Variants in VWF observed in about 807,000 individuals in gnomAD.
VWF encodes the protein von Willebrand factor.
VWF carries 176 observed loss-of-function variants against 308.6 expected under a neutral mutation model. That is an observed-to-expected ratio of 0.57 (90% CI 0.50 to 0.65). VWF has a LOEUF of 0.65. VWF is among the 30% of genes least tolerant of loss of function. VWF has a pLI of 0.00. For missense variants in VWF, 3,146 were observed against 3,648.2 expected (o/e 0.86, Z 3.55); for synonymous variants, 1,385 against 1,443.4 (o/e 0.96, Z 0.92).
intron 46 of VWF, 60 bp from the exon 47 acceptor site, chr12:5,967,662 A>C (rs1176170029): frequency 1.5e-5 from 21 of 1,428,822 alleles, no homozygotes; most frequent in Non-Finnish European, 1.9e-5. Flanking sequence ...CACTCACCTC[A>C]CTCTCATACC....
chr12:6,013,732 C>G, intron 31 of VWF, 87 bp from the exon 32 acceptor site: 2 of 1,488,154 alleles, frequency 1.3e-6, no homozygotes, highest in Non-Finnish European at 1.9e-6. Flanking sequence ...CATCTGAATA[C>G]AGCCTCATGT....
intron 22 of VWF, among the ~76,000 whole-genome samples, chr12:6,028,491 G>C (rs1944220030): frequency 6.6e-6 from 1 of 152,208 alleles, no homozygotes; most frequent in Non-Finnish European, 1.5e-5. Flanking sequence ...AGGAAAAAGT[G>C]TTAAGGGCAG....
At position 6,056,846 on chromosome 12, in the gene VWF, AG is replaced by A; in HGVS notation, c.1945+10del. The A allele has an allele frequency of 7.2e-7, 1 of 1,382,064 alleles. No individual in the cohort carries two copies. 85.6% of individuals were successfully genotyped at this position (1,382,064 alleles called of 1,614,324 possible). A position where few individuals can be genotyped will look rare whatever the true frequency, so the allele number is the denominator to read the frequency against. On this transcript the variant is annotated intron_variant, in intron 15 of 51. Coordinates refer to ENST00000261405, the MANE Select transcript of VWF (RefSeq NM_000552.5). The stretch of plus-strand genomic sequence containing the variant: ...GCGGCCCGGAGGGCTGCGGGCAGGG[AG>A]GGCACGCACCACAGCGGCCTGGCTC...
intron 47 of VWF, among the ~76,000 whole-genome samples, chr12:5,959,450 A>G (rs891756482): frequency 7.2e-5 from 11 of 152,212 alleles, no homozygotes; most frequent in African/African-American, 2.7e-4. Flanking sequence ...GAGGATTTGG[A>G]AAACTGTAAG....
intron 5 of VWF, 189 bp from the exon 6 acceptor site, chr12:6,095,773 G>T: frequency 1.4e-6 from 1 of 739,106 alleles, no homozygotes; most frequent in Non-Finnish European, 2.2e-6. Context: ...CTACTGAGCA[G>T]CACAGGAGTT....
Position 6,024,920 on chromosome 12 carries a change from G to C in VWF, c.3222+660C>G, listed in dbSNP as rs1276691796. ...TGCCTGTAATCCCAGGTACTCGGGA[G>C]GTTGAGGCAGGAGAATCGCTTGAGC... On this transcript the variant is annotated intron_variant, in intron 24 of 51. Transcript: ENST00000261405. The surrounding 1 kb of genome is among the most constrained non-coding windows in gnomAD (Gnocchi z 4.0). 6.6e-6 allele frequency among the ~76,000 whole-genome samples: 1 copy of C among 151,996 alleles called. No individual in the cohort carries two copies. The highest frequency in any genetic ancestry group is 6.6e-5 in the Admixed American group (1 of 15,258).
At chr12:5,962,159 G>A (rs1044695825) in intron 47 of VWF, among the ~76,000 whole-genome samples, 1 of 152,088 alleles carries the variant, frequency 6.6e-6, no homozygotes, top group African/African-American at 2.4e-5. Context: ...CCAGTCTCAG[G>A]TATTGTGTTA....
At chr12:6,080,245 C>G (rs1389844267) in intron 6 of VWF, among the ~76,000 whole-genome samples, 1 of 152,244 alleles carries the variant, frequency 6.6e-6, no homozygotes, top group Non-Finnish European at 1.5e-5. Flanking sequence ...CCAGGGCACT[C>G]ATGGCAGGGA....
At chr12:6,090,176 C>G (rs1293721468) in intron 6 of VWF, among the ~76,000 whole-genome samples, 1 of 152,140 alleles carries the variant, frequency 6.6e-6, no homozygotes, top group Non-Finnish European at 1.5e-5. Context: ...CCAGGATGGT[C>G]TCAATCTCCT....
intron 18 of VWF, among the ~76,000 whole-genome samples, chr12:6,037,640 C>T (rs956441175): frequency 1.3e-5 from 2 of 152,224 alleles, no homozygotes; most frequent in Admixed American, 1.3e-4. Flanking sequence ...GGTGCCTGTC[C>T]TGGTGTGGCC....
At chr12:6,097,164 A>G (rs886753050) in intron 5 of VWF, among the ~76,000 whole-genome samples, 1 of 152,184 alleles carries the variant, frequency 6.6e-6, no homozygotes, top group African/African-American at 2.4e-5. Flanking sequence ...GAGGCCGGGC[A>G]CGGTGGCTGA....
chr12:6,102,058 A>C (rs2136508692), intron 5 of VWF, among the ~76,000 whole-genome samples: 1 of 152,348 alleles, frequency 6.6e-6, no homozygotes, highest in Admixed American at 6.5e-5. Flanking sequence ...GAAGGCACAG[A>C]TTCTGCATGT....
At chr12:6,096,269 C>T (rs1431334877) in intron 5 of VWF, among the ~76,000 whole-genome samples, 1 of 152,174 alleles carries the variant, frequency 6.6e-6, no homozygotes, top group Non-Finnish European at 1.5e-5. Flanking sequence ...GAATGTTCTC[C>T]TCCCCCTTAT....
At position 5,949,062 on chromosome 12, in the gene VWF, G is replaced by A. The variant is rs1439617045; in HGVS notation, c.8395C>T (p.Leu2799Phe). 1 of 1,614,034 alleles carries A rather than the reference G, an allele frequency of 6.2e-7. No individual in the cohort carries two copies. Among genetic ancestry groups the A allele is most frequent in the African/African-American group, 1.3e-5 (1 of 74,942 alleles). Residue 2799 changes from leucine (L) to phenylalanine (F), a missense_variant, in exon 52 of 52, where the codon CTC (leucine) becomes TTC (phenylalanine). Physicochemically the swap from Leu to Phe is conservative, Grantham distance 22. Around this residue, in one of 3 missense-constraint regions of VWF, gnomAD observed 989 missense variants for 1,117.4 expected, o/e 0.89. Transcript: ENST00000261405. ...TNGSVVYHEV[L>F]NAMECKCSPR... ...GAGCATTTGCACTCCATGGCATTGA[G>A]AACCTCATGGTACACAACAGAGCCA...
intron 15 of VWF, among the ~76,000 whole-genome samples, 191 bp downstream of exon 15, chr12:6,056,666 C>T (rs1450818438): frequency 6.6e-6 from 1 of 152,182 alleles, no homozygotes; most frequent in Non-Finnish European, 1.5e-5. Context: ...ATCAGCCGGT[C>T]CCCACCGCCT....
chr12:6,083,391 C>T (rs909602528), intron 6 of VWF, among the ~76,000 whole-genome samples: 4 of 152,134 alleles, frequency 2.6e-5, no homozygotes, highest in African/African-American at 9.7e-5. Context: ...ATGGCAAAAC[C>T]TTATCTCTAC....
intron 47 of VWF, among the ~76,000 whole-genome samples, chr12:5,961,023 A>G (rs974152425): frequency 6.6e-6 from 1 of 152,126 alleles, no homozygotes; most frequent in Admixed American, 6.5e-5. Context: ...TTAGATTCTC[A>G]CAGGAGCCCA....
rs762012588 is a variant in VWF, at chr12:5,996,187, T to C, written c.5878A>G (p.Thr1960Ala). Reference sequence around the variant, plus strand: ...AGCTTGAAATTCTGCCCATCAAAGGTCACGATGTGCCGAGTGGAGCTGCCT... The same window carrying C: ...AGCTTGAAATTCTGCCCATCAAAGGCCACGATGTGCCGAGTGGAGCTGCCT... ...CTGSSTRHIV[T>A]FDGQNFKLTG... The change falls in exon 35 of 52, where the codon ACC (threonine) becomes GCC (alanine). Residue 1960 changes from threonine to alanine, a missense_variant. By Grantham distance (58) the Thr-to-Ala change is moderately conservative. Transcript: ENST00000261405. The C allele has an allele frequency of 7.4e-6, 12 of 1,613,798 alleles. No homozygotes were observed. Among genetic ancestry groups the C allele is most frequent in the South Asian group, 1.1e-5 (1 of 91,008 alleles).
intron 15 of VWF, among the ~76,000 whole-genome samples, chr12:6,056,187 ACT>A (rs1478589004): frequency 1.4e-5 from 2 of 137,932 alleles, no homozygotes; most frequent in African/African-American, 5.6e-5. Context: ...TCCATCTGTG[ACT>A]CTAACAGTAA....
Sources: gnomAD v4.1 joint callset for allele counts (sites outside exome capture counted in the v4.1 genomes callset) on GRCh38, gnomAD v4.1.1 for gene constraint, gnomAD v4.1.1 regional missense constraint, Gnocchi (gnomAD v3.1) non-coding constraint, MANE v1.5 for transcripts, NCBI Gene and HGNC (gene_info 2026-07-23, HGNC 2026-07-21) for gene names.